The following KCNH1 variants were observed in gnomAD, a reference collection of about 807,000 sequenced individuals.
KCNH1 encodes potassium voltage-gated channel subfamily H member 1, also known as voltage-gated delayed rectifier potassium channel KCNH1.
Under a neutral mutation model 69.2 loss-of-function variants are expected in KCNH1, and 27 were observed. The observed-to-expected ratio is 0.39, with a 90% confidence interval of 0.29 to 0.54. The LOEUF is 0.54. Among genes scored for constraint, KCNH1 ranks in the 20% least tolerant of loss-of-function variants. The probability of loss-of-function intolerance (pLI) is 0.68; values close to 1 mark genes in which losing one functional copy is unlikely to be tolerated. For missense variants in KCNH1, 798 were observed against 1,261.6 expected, an observed-to-expected ratio of 0.63 and a Z score of 5.57; for synonymous variants, 456 against 487.7, an observed-to-expected ratio of 0.93 and a Z score of 0.86.
At chr1:211,022,651 TGAG>T (rs930477580) in intron 5 of KCNH1, among the ~76,000 whole-genome samples, 1 of 152,042 alleles carries the variant, frequency 6.6e-6, no homozygotes, top group African/African-American at 2.4e-5. Flanking sequence ...GATTTAAAAA[TGAG>T]GAAGTAATCT....
chr1:210,998,525 A>T (rs898458273), intron 6 of KCNH1, among the ~76,000 whole-genome samples: 6 of 152,228 alleles, frequency 3.9e-5, no homozygotes, highest in Non-Finnish European at 8.8e-5. Context: ...GTCCTGAGAG[A>T]TCTACAAAGA....
At chr1:210,870,225 T>C (rs2102493610) in intron 7 of KCNH1, among the ~76,000 whole-genome samples, 1 of 152,248 alleles carries the variant, frequency 6.6e-6, no homozygotes, top group Middle Eastern at 3.4e-3. Flanking sequence ...CCATTCACTC[T>C]CTTGTGTCTG....
Position 210,683,411 on chromosome 1 carries a change from A to T in KCNH1, c.2840T>A (p.Ile947Asn). The T allele has an allele frequency of 1.2e-6, 2 of 1,614,088 alleles. No individual in the cohort carries two copies. Among genetic ancestry groups the T allele is most frequent in the Non-Finnish European group, 1.7e-6 (2 of 1,180,012 alleles). Reference protein sequence around the residue: ...IKALNAKMTNIEKQLSEILRI... With the variant: ...IKALNAKMTNNEKQLSEILRI... Reference sequence around the variant, plus strand: ...GAGTATCTCAGAGAGCTGTTTCTCAATATTGGTCATTTTGGCGTTTAAGGC... The same window carrying T: ...GAGTATCTCAGAGAGCTGTTTCTCATTATTGGTCATTTTGGCGTTTAAGGC... Residue 947 changes from isoleucine (I) to asparagine (N), a missense_variant, in exon 11 of 11, where the codon ATT becomes AAT. Around this residue, in one of 4 missense-constraint regions of KCNH1, gnomAD observed 331 missense variants for 363.2 expected, o/e 0.91. Coordinates refer to ENST00000271751, the MANE Select transcript of KCNH1 (RefSeq NM_172362.3). This position sits in a 1 kb window ranked among gnomAD's most constrained non-coding sequence, Gnocchi z 5.7.
intron 5 of KCNH1, among the ~76,000 whole-genome samples, chr1:211,052,405 T>C (rs962463068): frequency 3.9e-5 from 6 of 152,232 alleles, no homozygotes; most frequent in African/African-American, 1.4e-4. Context: ...TTGAGATCAT[T>C]GTGAGTATTT....
intron 9 of KCNH1, 83 bp from the exon 10 acceptor site, chr1:210,775,627 T>G: frequency 9.9e-7 from 1 of 1,011,228 alleles, no homozygotes; most frequent in Non-Finnish European, 1.5e-6. Flanking sequence ...TTCCCCAGAA[T>G]TGCTGTCCTT....
intron 7 of KCNH1, among the ~76,000 whole-genome samples, chr1:210,901,269 A>G (rs1170962399): frequency 2.6e-5 from 4 of 152,108 alleles, no homozygotes; most frequent in Non-Finnish European, 4.4e-5. Flanking sequence ...CAGCCAATTC[A>G]TCACCTGGTC....
At chr1:211,007,125 GGCTAAC>G (rs1468758849) in intron 6 of KCNH1, among the ~76,000 whole-genome samples, 3 of 152,118 alleles carry the variant, frequency 2.0e-5, no homozygotes, top group Non-Finnish European at 1.5e-5. Flanking sequence ...ATTATCCAGA[GGCTAAC>G]ACTAAGTCTG....
At chr1:210,778,504 C>T (rs191903467) in intron 9 of KCNH1, among the ~76,000 whole-genome samples, 110 of 143,332 alleles carry the variant, frequency 7.7e-4, no homozygotes, top group Admixed American at 1.8e-3. Flanking sequence ...GCACTCCAGC[C>T]TGGGCTACAG....
chr1:210,852,820 T>C (rs1685736828), intron 7 of KCNH1, among the ~76,000 whole-genome samples: 1 of 152,184 alleles, frequency 6.6e-6, no homozygotes, highest in African/African-American at 2.4e-5. Flanking sequence ...TGTTAGAATT[T>C]CTTAGATATC....
chr1:210,895,192 C>G (rs552603798), intron 7 of KCNH1, among the ~76,000 whole-genome samples: 1 of 147,908 alleles, frequency 6.8e-6, no homozygotes, highest in Admixed American at 6.7e-5. Context: ...GAGGGTAAAT[C>G]TGGTCTTTGT....
intron 10 of KCNH1, among the ~76,000 whole-genome samples, chr1:210,724,407 C>T (rs10863852): frequency 6.6e-6 from 1 of 151,804 alleles, no homozygotes; most frequent in Non-Finnish European, 1.5e-5. Context: ...TAAGCAGTAG[C>T]GTTAGATTCC....
At chr1:210,971,681 T>A (rs1160488010) in intron 6 of KCNH1, among the ~76,000 whole-genome samples, 1 of 143,762 alleles carries the variant, frequency 7.0e-6, no homozygotes, top group African/African-American at 2.7e-5. Context: ...GGAAAAGGTA[T>A]TTATGTCATA....
intron 10 of KCNH1, among the ~76,000 whole-genome samples, chr1:210,712,222 A>G (rs1218354173): frequency 2.0e-5 from 3 of 152,238 alleles, no homozygotes; most frequent in Non-Finnish European, 2.9e-5. Flanking sequence ...ACCAACCATG[A>G]GTGGTGATAT....
At chr1:210,905,677 G>T (rs1366201501) in intron 7 of KCNH1, among the ~76,000 whole-genome samples, 1 of 151,922 alleles carries the variant, frequency 6.6e-6, no homozygotes, top group East Asian at 1.9e-4. Context: ...CGTAAAACTG[G>T]CCTACCCTCT....
At chr1:210,720,770 T>C (rs571147758) in intron 10 of KCNH1, among the ~76,000 whole-genome samples, 1 of 152,114 alleles carries the variant, frequency 6.6e-6, no homozygotes, top group East Asian at 1.9e-4. Context: ...GAAAAGGGGG[T>C]AGATGTCTTT....
chr1:210,986,735 C>T (rs543328360), intron 6 of KCNH1, among the ~76,000 whole-genome samples: 5 of 152,298 alleles, frequency 3.3e-5, no homozygotes, highest in South Asian at 2.1e-4. Flanking sequence ...TTCATTTCAA[C>T]GTTGGTGAAT....
intron 6 of KCNH1, among the ~76,000 whole-genome samples, chr1:210,938,311 A>G (rs1687813025): frequency 6.6e-6 from 1 of 152,222 alleles, no homozygotes; most frequent in Non-Finnish European, 1.5e-5. Flanking sequence ...ATCTATACAT[A>G]TAATATCTCT....
chr1:210,786,866 A>G (rs1684113586), intron 9 of KCNH1, among the ~76,000 whole-genome samples: 1 of 152,184 alleles, frequency 6.6e-6, no homozygotes, highest in Non-Finnish European at 1.5e-5. Flanking sequence ...AAAATTTCAT[A>G]CATAAAATAC....
At chr1:210,944,392 A>G (rs1687922538) in intron 6 of KCNH1, among the ~76,000 whole-genome samples, 2 of 152,230 alleles carry the variant, frequency 1.3e-5, no homozygotes, top group African/African-American at 4.8e-5. Flanking sequence ...CCCTCCAGGC[A>G]AGCAAACAGA....
Sources: gnomAD v4.1 joint callset for allele counts (sites outside exome capture counted in the v4.1 genomes callset) on GRCh38, gnomAD v4.1.1 for gene constraint, gnomAD v4.1.1 regional missense constraint, Gnocchi (gnomAD v3.1) non-coding constraint, MANE v1.5 for transcripts, NCBI Gene and HGNC (gene_info 2026-07-23, HGNC 2026-07-21) for gene names.